Variants in ACAD10 observed in about 807,000 individuals in gnomAD.
The protein encoded by ACAD10 is acyl-CoA dehydrogenase family member 10.
In ACAD10, 112 loss-of-function variants were observed where a neutral mutation model predicts 116.8. The ratio of observed to expected loss-of-function variants is 0.96; its 90% CI spans 0.82 to 1.12. ACAD10 has a LOEUF of 1.12. Among genes scored for constraint, ACAD10 ranks in the 50% most tolerant of loss-of-function variants. ACAD10 has a pLI of 0.00. For missense variants in ACAD10, 1,259 were observed against 1,350.2 expected, an observed-to-expected ratio of 0.93 and a Z score of 1.06; for synonymous variants, 486 against 510.6, an observed-to-expected ratio of 0.95 and a Z score of 0.65.
At chr12:111,755,072 T>C (rs548392076) in intron 19 of ACAD10, among the ~76,000 whole-genome samples, 3 of 152,216 alleles carry the variant, frequency 2.0e-5, no homozygotes, top group Admixed American at 2.0e-4. Flanking sequence ...CTTCCAGGCT[T>C]TCTGCCTTCG....
chr12:111,709,003 A>G (rs1277907947), intron 4 of ACAD10, among the ~76,000 whole-genome samples: 2 of 151,844 alleles, frequency 1.3e-5, no homozygotes, highest in Non-Finnish European at 1.5e-5. Flanking sequence ...ATAAACACTA[A>G]GTTCGTATTT....
intron 12 of ACAD10, among the ~76,000 whole-genome samples, chr12:111,738,013 C>A (rs549125075): frequency 6.6e-6 from 1 of 151,836 alleles, no homozygotes; most frequent in African/African-American, 2.4e-5. Context: ...CCACCATACC[C>A]GCGTCATTTT....
chr12:111,713,565 C>T (rs1888753637), intron 6 of ACAD10, among the ~76,000 whole-genome samples: 1 of 149,820 alleles, frequency 6.7e-6, no homozygotes, highest in Non-Finnish European at 1.5e-5. Flanking sequence ...GCAGAGGTTG[C>T]AGTGAGCCAA....
chr12:111,702,383 A>G, intron 3 of ACAD10, 73 bp downstream of exon 3: 7 of 1,541,386 alleles, frequency 4.5e-6, no homozygotes, highest in Non-Finnish European at 5.3e-6. Context: ...ATTCATGTAT[A>G]AGTTAGTTAA....
At chr12:111,745,206 A>G (rs979692741) in intron 13 of ACAD10, 163 bp downstream of exon 13, 5 of 783,750 alleles carry the variant, frequency 6.4e-6, no homozygotes, top group African/African-American at 3.5e-5. Flanking sequence ...TTCATGACTC[A>G]GTTTCCATCT....
intron 10 of ACAD10, among the ~76,000 whole-genome samples, chr12:111,733,398 T>C (rs758005716): frequency 5.3e-5 from 8 of 152,136 alleles, no homozygotes; most frequent in Non-Finnish European, 1.0e-4. Context: ...CTGGACTTCT[T>C]ACCTGGGGGC....
chr12:111,745,940 C>T (rs562372146), intron 13 of ACAD10, among the ~76,000 whole-genome samples: 41 of 147,750 alleles, frequency 2.8e-4, no homozygotes, highest in Non-Finnish European at 5.5e-4. Flanking sequence ...CTCCTGGGCT[C>T]ATGTGATCCT....
intron 9 of ACAD10, among the ~76,000 whole-genome samples, 189 bp from the exon 10 acceptor site, chr12:111,729,617 G>A (rs1490999562): frequency 6.6e-6 from 1 of 152,192 alleles, no homozygotes; most frequent in African/African-American, 2.4e-5. Context: ...CAGCCAAAGA[G>A]CTGGTGACTT....
chr12:111,715,889 C>G lies in ACAD10; in HGVS notation c.919C>G (p.Arg307Gly). ...NPTYYIRLAN[R>G]DLVLRKKPPG... ...AACTTACTACATCAGGCTGGCTAAT[C>G]GTGATCTAGTTCTGAGGAAGAAGCC... Residue 307 changes from arginine (R) to glycine (G), a missense_variant, in exon 7 of 21, where the codon CGT (arginine) becomes GGT (glycine). Transcript: ENST00000313698. 6.2e-7 allele frequency: 1 copy of G among 1,614,094 alleles called. No homozygotes were observed. The highest frequency in any genetic ancestry group is 8.5e-7 in the Non-Finnish European group (1 of 1,180,006).
Position 111,736,996 on chromosome 12 carries a change from C to G in ACAD10, c.1706C>G (p.Ser569Ter), listed in dbSNP as rs1048580551. The G allele has an allele frequency of 6.2e-7, 1 of 1,613,574 alleles. No individual in the cohort carries two copies. The highest frequency in any genetic ancestry group is 8.5e-7 in the Non-Finnish European group (1 of 1,179,722). ...ATCCTACAGGGAGTCTACAAGCGAT[C>G]ACTCACAGGTAATGGGATGGCTGCC... is the stretch of plus-strand genomic sequence containing the variant. ...AAILQGVYKR[S>*]LTGQASSTYA... The change falls in exon 12 of 21, where the codon TCA becomes TGA. Residue 569 changes from serine (S) to a stop codon, truncating the protein, a stop_gained. Coordinates refer to ENST00000313698, the MANE Select transcript of ACAD10 (RefSeq NM_025247.6). LOFTEE classifies it high-confidence loss of function.
At chr12:111,709,751 CTT>C in intron 5 of ACAD10, 67 bp downstream of exon 5, 2 of 1,445,080 alleles carry the variant, frequency 1.4e-6, no homozygotes, top group Non-Finnish European at 1.9e-6. Flanking sequence ...TCTCTGTAAT[CTT>C]TTTACATTTG....
intron 9 of ACAD10, among the ~76,000 whole-genome samples, chr12:111,728,714 G>A (rs539642715): frequency 2.6e-5 from 4 of 152,150 alleles, no homozygotes; most frequent in Admixed American, 2.6e-4. Context: ...TTTTGAGACA[G>A]GGTCTCTCTC....
Position 111,729,919 on chromosome 12 carries a change from C to T in ACAD10, c.1357C>T (p.Arg453Cys), listed in dbSNP as rs375729084. ...LIEWLPLHLP[R>C]QQRTTVVHGD... The stretch of plus-strand genomic sequence containing the variant: ...CGAATGGCTGCCCCTCCATCTTCCC[C>T]GTCAGCAGAGGACCACAGTGGTGCA... Residue 453 changes from arginine to cysteine, a missense_variant, in exon 10 of 21, where the codon CGT becomes TGT. Coordinates refer to ENST00000313698, the MANE Select transcript of ACAD10 (RefSeq NM_025247.6). 6.9e-5 allele frequency: 111 copies of T among 1,613,974 alleles called. No homozygotes were observed. The highest frequency in any genetic ancestry group is 8.8e-5 in the Non-Finnish European group (104 of 1,180,026).
intron 10 of ACAD10, 30 bp from the exon 11 acceptor site, chr12:111,733,893 G>A: frequency 1.2e-6 from 2 of 1,613,662 alleles, no homozygotes; most frequent in Non-Finnish European, 1.7e-6. Flanking sequence ...TTTTCTTAGT[G>A]CTGTCTCTAT....
intron 18 of ACAD10, among the ~76,000 whole-genome samples, chr12:111,751,591 C>T (rs887037958): frequency 6.6e-6 from 1 of 152,026 alleles, no homozygotes; most frequent in African/African-American, 2.4e-5. Flanking sequence ...GTTAGCTGGG[C>T]ATGGTGGCAC....
chr12:111,705,052 A>G (rs1888459724), intron 3 of ACAD10, among the ~76,000 whole-genome samples: 1 of 152,130 alleles, frequency 6.6e-6, no homozygotes, highest in African/African-American at 2.4e-5. Context: ...ATCAGAAACT[A>G]AAGTTCATAA....
intron 8 of ACAD10, among the ~76,000 whole-genome samples, chr12:111,723,326 C>T (rs1325654149): frequency 2.2e-5 from 3 of 137,362 alleles, no homozygotes; most frequent in Non-Finnish European, 4.8e-5. Flanking sequence ...GGGGGCTGAC[C>T]CCCCCACCTC....
chr12:111,723,175 G>A (rs1375042557), intron 8 of ACAD10, among the ~76,000 whole-genome samples: 5 of 140,510 alleles, frequency 3.6e-5, no homozygotes, highest in South Asian at 2.3e-4. Context: ...CGGACGGGGC[G>A]GCTGGCCGGG....
chr12:111,753,385 C>T, intron 18 of ACAD10: 1 of 418,936 alleles, frequency 2.4e-6, no homozygotes, highest in Non-Finnish European at 4.8e-6. Context: ...GCGCCGTGTG[C>T]AGTGCCTGCA....
Sources: allele counts gnomAD v4.1 joint callset (sites outside exome capture counted in the v4.1 genomes callset), GRCh38; gene constraint gnomAD v4.1.1; transcripts MANE v1.5; gene names NCBI Gene and HGNC (gene_info 2026-07-23, HGNC 2026-07-21).